The following SUFU variants were observed in gnomAD, a reference collection of about 807,000 sequenced individuals.
The protein encoded by SUFU is suppressor of fused homolog.
In SUFU, 7 loss-of-function variants were observed where a neutral mutation model predicts 58.9. The observed-to-expected ratio is 0.12, with a 90% CI of 0.07 to 0.22. The LOEUF is 0.22. SUFU is among the 10% of genes least tolerant of loss of function. The pLI is 1.00. For synonymous variants in SUFU, 232 were observed against 254.8 expected, an observed-to-expected ratio of 0.91 and a Z score of 0.85; for missense variants, 451 against 641.3, an observed-to-expected ratio of 0.70 and a Z score of 3.20.
In SUFU at chr10:102,568,945, T is replaced by TATAC. The variant is rs1484479481; in HGVS notation, c.454+18842_454+18843insCATA. Among the ~76,000 whole-genome samples, 7 of 74,662 alleles carry TATAC rather than the reference T, an allele frequency of 9.4e-5. 1 individual carries two copies. The highest frequency in any genetic ancestry group is 1.2e-3 in the South Asian group (2 of 1,666). The allele number at this position is 74,662 out of a possible 152,430, so 49.0% of individuals were successfully genotyped here. A position where few individuals can be genotyped will look rare whatever the true frequency, so the allele number is the denominator to read the frequency against. On this transcript the variant is annotated intron_variant, in intron 3 of 11. Coordinates refer to ENST00000369902, the MANE Select transcript of SUFU (RefSeq NM_016169.4). Reference sequence around the variant, plus strand: ...ACACATATATATATATATATATATATATATATATATATATATATCTATAGC... The same window carrying TATAC: ...ACACATATATATATATATATATATATATACATATATATATATATATATCTATAGC...
intron 3 of SUFU, among the ~76,000 whole-genome samples, chr10:102,591,947 T>C (rs916300199): frequency 3.9e-5 from 6 of 152,180 alleles, no homozygotes; most frequent in Admixed American, 3.9e-4. Context: ...TCTGAACATC[T>C]CAGAGACATG....
chr10:102,619,861 C>T lies in SUFU; in HGVS notation c.1296+2433C>T, dbSNP rs1340460029. On this transcript the variant is annotated intron_variant, in intron 10 of 11. Coordinates refer to ENST00000369902, the MANE Select transcript of SUFU (RefSeq NM_016169.4). The surrounding 1 kb of genome is among the most constrained non-coding windows in gnomAD (Gnocchi z 4.2). ...TCTCCCTGGGAGTCTGCAGGACCTC[C>T]TAGAGGCCTGGGGTTAGACTTGCAG... Among the ~76,000 whole-genome samples the T allele has an allele frequency of 6.6e-6, 1 of 152,096 alleles. No individual in the cohort carries two copies. The highest frequency in any genetic ancestry group is 1.5e-5 in the Non-Finnish European group (1 of 67,980).
chr10:102,533,901 A>G (rs538388860), intron 2 of SUFU, among the ~76,000 whole-genome samples: 3 of 151,782 alleles, frequency 2.0e-5, no homozygotes, highest in Non-Finnish European at 2.9e-5. Flanking sequence ...GGGAACATTT[A>G]TTCAGGCTAC....
chr10:102,621,102 C>T (rs1223412942), intron 10 of SUFU, among the ~76,000 whole-genome samples: 3 of 152,294 alleles, frequency 2.0e-5, no homozygotes, highest in African/African-American at 7.2e-5. Context: ...CTGCCGAGCT[C>T]TCCTCTGGGC....
In SUFU at chr10:102,592,756, T is replaced by C. The variant is rs375818716; in HGVS notation, c.597+32T>C. Reference sequence around the variant, plus strand: ...CACAGGTTGGACGCTGGCTCAAGCCTTCCTGTGGGAAGGGTCCTGGGAGGA... The same window carrying C: ...CACAGGTTGGACGCTGGCTCAAGCCCTCCTGTGGGAAGGGTCCTGGGAGGA... On this transcript the variant is annotated intron_variant, in intron 4 of 11. Coordinates refer to ENST00000369902, the MANE Select transcript of SUFU (RefSeq NM_016169.4). The C allele has an allele frequency of 1.2e-5, 20 of 1,612,726 alleles. No individual in the cohort carries two copies. The South Asian group carries it at 2.2e-4, about 18-fold the overall frequency.
intron 3 of SUFU, among the ~76,000 whole-genome samples, chr10:102,555,072 T>C (rs1462245639): frequency 1.3e-5 from 2 of 151,970 alleles, no homozygotes; most frequent in African/African-American, 4.8e-5. Context: ...ATCAAGACCA[T>C]CCTGGCTAAC....
chr10:102,507,051 G>T (rs551884566), intron 1 of SUFU, among the ~76,000 whole-genome samples: 3 of 152,216 alleles, frequency 2.0e-5, no homozygotes, highest in Non-Finnish European at 4.4e-5. Flanking sequence ...AACATCATTT[G>T]CTAAGTGTAA....
intron 3 of SUFU, among the ~76,000 whole-genome samples, chr10:102,569,427 T>C (rs1457413547): frequency 6.6e-6 from 1 of 152,186 alleles, no homozygotes; most frequent in Non-Finnish European, 1.5e-5. Flanking sequence ...TCTTTGAGGC[T>C]GGAGGCCCAC....
chr10:102,608,138 C>T (rs905155159), intron 8 of SUFU, among the ~76,000 whole-genome samples: 2 of 151,820 alleles, frequency 1.3e-5, no homozygotes, highest in African/African-American at 2.4e-5. Context: ...GTGGGAGAAT[C>T]GCTTGAACCC....
chr10:102,558,193 C>T (rs1273634226), intron 3 of SUFU, among the ~76,000 whole-genome samples: 1 of 152,150 alleles, frequency 6.6e-6, no homozygotes, highest in African/African-American at 2.4e-5. Flanking sequence ...CAAGCCCCAA[C>T]ACCTGGCCTG....
chr10:102,518,549 T>TATC (rs35214493), intron 2 of SUFU, among the ~76,000 whole-genome samples: 3,323 of 80,094 alleles, frequency 0.041, 57 homozygotes, highest in South Asian at 0.05. Flanking sequence ...ATCTATCTAT[T>TATC]TATTTATTTA....
chr10:102,547,847 A>G (rs922098273), intron 2 of SUFU, among the ~76,000 whole-genome samples: 4 of 150,768 alleles, frequency 2.7e-5, no homozygotes, highest in African/African-American at 2.4e-5. Flanking sequence ...GAGAGAGAGA[A>G]AGAAAGAGAG....
chr10:102,544,969 T>C (rs1451750500), intron 2 of SUFU, among the ~76,000 whole-genome samples: 1 of 152,216 alleles, frequency 6.6e-6, no homozygotes, highest in Non-Finnish European at 1.5e-5. Flanking sequence ...ATTTCCAAGT[T>C]ATATTTCATT....
chr10:102,581,528 T>C (rs1181268289), intron 3 of SUFU, among the ~76,000 whole-genome samples: 1 of 152,146 alleles, frequency 6.6e-6, no homozygotes, highest in African/African-American at 2.4e-5. Context: ...TGTCTTCCAA[T>C]CTCAGAGGAA....
intron 8 of SUFU, among the ~76,000 whole-genome samples, chr10:102,604,906 G>A (rs1434813327): frequency 2.8e-5 from 4 of 142,444 alleles, no homozygotes; most frequent in South Asian, 2.3e-4. Context: ...GGATATTCCC[G>A]ATGAAAATAT....
chr10:102,560,048 C>G (rs776090253), intron 3 of SUFU, among the ~76,000 whole-genome samples: 1 of 152,206 alleles, frequency 6.6e-6, no homozygotes, highest in Non-Finnish European at 1.5e-5. Context: ...TGATCCAACC[C>G]TGTGGTACTG....
intron 2 of SUFU, among the ~76,000 whole-genome samples, chr10:102,525,990 C>G (rs891913385): frequency 1.3e-5 from 2 of 152,080 alleles, no homozygotes; most frequent in African/African-American, 4.8e-5. Flanking sequence ...AAGCAGGGCC[C>G]CAGCTACTCA....
intron 3 of SUFU, among the ~76,000 whole-genome samples, chr10:102,558,680 GA>G (rs2063005643): frequency 6.6e-6 from 1 of 152,208 alleles, no homozygotes; most frequent in African/African-American, 2.4e-5. Context: ...GAATAGGAGG[GA>G]AGTCCTCTAA....
At position 102,504,368 on chromosome 10, in the gene SUFU, C is replaced by T. The variant is rs2062295191; in HGVS notation, c.182+34C>T. ...TGGGCCGCGGGGAGACGGACAGGCG[C>T]GGGCTGGAAAGGGTTAAAGCGCCGA... On this transcript the variant is annotated intron_variant, in intron 1 of 11. Coordinates refer to ENST00000369902, the MANE Select transcript of SUFU (RefSeq NM_016169.4). The T allele has an allele frequency of 7.4e-6, 12 of 1,612,810 alleles. No homozygotes were observed. In the East Asian group the frequency reaches 1.1e-4, roughly 15 times the overall value.
Sources: gnomAD v4.1 joint callset for allele counts (sites outside exome capture counted in the v4.1 genomes callset) on GRCh38, gnomAD v4.1.1 for gene constraint, Gnocchi (gnomAD v3.1) non-coding constraint, MANE v1.5 for transcripts, NCBI Gene and HGNC (gene_info 2026-07-23, HGNC 2026-07-21) for gene names.